TRIM26: variants seen among roughly 807,000 people sequenced by gnomAD.
TRIM26 encodes the protein tripartite motif containing 26, also known as tripartite motif-containing protein 26.
In TRIM26, 16 loss-of-function variants were observed where a neutral mutation model predicts 45.5. The ratio of observed to expected loss-of-function variants is 0.35; its 90% CI spans 0.24 to 0.53. The LOEUF (loss-of-function observed/expected upper bound fraction) is 0.53, where lower values mean the gene tolerates loss of function less well. Ranked by LOEUF, TRIM26 falls within the 20% of genes least tolerant of loss-of-function variation. The pLI, the probability that TRIM26 is intolerant of heterozygous loss-of-function variation, is 0.92. For synonymous variants in TRIM26, 273 were observed against 290.4 expected, an observed-to-expected ratio of 0.94 and a Z score of 0.61; for missense variants, 442 against 691.1, an observed-to-expected ratio of 0.64 and a Z score of 4.04.
chr6:30,212,017 C>T (rs1033261815), intron 1 of TRIM26, among the ~76,000 whole-genome samples: 4 of 152,176 alleles, frequency 2.6e-5, no homozygotes, highest in Non-Finnish European at 2.9e-5. Flanking sequence ...GGAAAAGAGA[C>T]TAACTGTACA....
chr6:30,203,403 T>C (rs1324460175), intron 2 of TRIM26, among the ~76,000 whole-genome samples: 2 of 151,896 alleles, frequency 1.3e-5, no homozygotes, highest in Non-Finnish European at 2.9e-5. Flanking sequence ...CTATACTTCT[T>C]ATTTATTTAT....
At position 30,185,858 on chromosome 6, in the gene TRIM26, G is replaced by A. The variant is rs1181598950; in HGVS notation, c.*18C>T. The A allele has an allele frequency of 6.3e-7, 1 of 1,596,886 alleles. No homozygotes were observed. Among genetic ancestry groups the A allele is most frequent in the African/African-American group, 1.3e-5 (1 of 74,580 alleles). On this transcript the variant is annotated 3_prime_UTR_variant, in exon 10 of 10. Transcript: ENST00000454678. The surrounding 1 kb of genome is among the most constrained non-coding windows in gnomAD (Gnocchi z 5.7). ...AGTGAAGCATCTGAGGGTTGGGGCT[G>A]GGGGCAGATGTCAGGGCTCAGGGTC... is the stretch of plus-strand genomic sequence containing the variant.
At chr6:30,191,733 C>T (rs183326432) in intron 6 of TRIM26, among the ~76,000 whole-genome samples, 12 of 152,210 alleles carry the variant, frequency 7.9e-5, no homozygotes, top group Non-Finnish European at 8.8e-5. Context: ...CCCAACCCCC[C>T]GCTATGAAGC....
chr6:30,186,644 G>T lies in TRIM26; in HGVS notation c.938-86C>A, dbSNP rs2127479316. ...AGAGGGAATAAAATTTATTTTGGCAGATAGCGTTAAACAAAATTAAAGTTG... is the reference window on the plus strand; with the variant it reads ...AGAGGGAATAAAATTTATTTTGGCATATAGCGTTAAACAAAATTAAAGTTG... On this transcript the variant is annotated intron_variant, in intron 9 of 9. Coordinates refer to ENST00000454678, the MANE Select transcript of TRIM26 (RefSeq NM_003449.5). This position sits in a 1 kb window ranked among gnomAD's most constrained non-coding sequence, Gnocchi z 7.4. 7.0e-7 allele frequency: 1 copy of T among 1,432,188 alleles called. No homozygotes were observed. The highest frequency in any genetic ancestry group is 9.2e-7 in the Non-Finnish European group (1 of 1,089,436). 88.7% of individuals were successfully genotyped at this position (1,432,188 alleles called of 1,614,324 possible).
intron 9 of TRIM26, chr6:30,187,536 C>A (rs6457167): frequency 1.2e-5 from 6 of 500,732 alleles, no homozygotes; most frequent in African/African-American, 1.2e-4. Flanking sequence ...TTCAGTCCGA[C>A]ATCTTTGAAG....
rs550375720 is a variant in TRIM26 at position 30,213,111 on chromosome 6, G to C, written c.-376+194C>G. 2.0e-5 allele frequency among the ~76,000 whole-genome samples: 3 copies of C among 152,284 alleles called. No homozygotes were observed. The South Asian group carries it at 6.2e-4, about 32-fold the overall frequency. On this transcript the variant is annotated intron_variant, in intron 1 of 9. Coordinates refer to ENST00000454678, the MANE Select transcript of TRIM26 (RefSeq NM_003449.5). ...CGAGAAAGACCCAAGAGGAGGGGGAGAATGTAAGGACAAGCAAACAGGAGG... is the reference window on the plus strand; with the variant it reads ...CGAGAAAGACCCAAGAGGAGGGGGACAATGTAAGGACAAGCAAACAGGAGG...
intron 1 of TRIM26, among the ~76,000 whole-genome samples, 152 bp from the exon 2 acceptor site, chr6:30,204,917 G>C (rs1337877189): frequency 6.6e-6 from 1 of 152,060 alleles, no homozygotes; most frequent in Non-Finnish European, 1.5e-5. Context: ...ATCCCTGCTG[G>C]GGGTGAGGGG....
rs547198082 is a variant in TRIM26, at chr6:30,193,451, A to G, written c.765+3065T>C. 1.5e-3 allele frequency among the ~76,000 whole-genome samples: 235 copies of G among 151,986 alleles called. 7 individuals are homozygous for G. In the South Asian group the frequency reaches 0.044, roughly 29 times the overall value. ...TGTCTCGGCCTCACAAAGTGCTGGG[A>G]TTACAGGTGTGAGCCACCACAACTG... On this transcript the variant is annotated intron_variant, in intron 6 of 9. Transcript: ENST00000454678.
Position 30,209,401 on chromosome 6 carries a change from G to A in TRIM26, c.-376+3904C>T, listed in dbSNP as rs1778053675. On this transcript the variant is annotated intron_variant, in intron 1 of 9. Coordinates refer to ENST00000454678, the MANE Select transcript of TRIM26 (RefSeq NM_003449.5). The surrounding 1 kb of genome is among the most constrained non-coding windows in gnomAD (Gnocchi z 4.8). ...CCCCAAAAGTTCACGTGTTGGAAAC[G>A]TAATTGCCAATGTAACGGTATTAAG... is the stretch of plus-strand genomic sequence containing the variant. Among the ~76,000 whole-genome samples, 1 of 152,152 alleles carries A rather than the reference G, an allele frequency of 6.6e-6. No individual in the cohort carries two copies. Among genetic ancestry groups the A allele is most frequent in the South Asian group, 2.1e-4 (1 of 4,836 alleles).
In TRIM26 at chr6:30,207,009, T is replaced by C. The variant is rs1248595874; in HGVS notation, c.-375-2244A>G. The stretch of plus-strand genomic sequence containing the variant: ...GCACTTTGGTGCCTGGAAAATGAAC[T>C]CTTCCCTGCCCATATGGAGTGCTGT... On this transcript the variant is annotated intron_variant, in intron 1 of 9. Transcript: ENST00000454678. The surrounding 1 kb of genome is among the most constrained non-coding windows in gnomAD (Gnocchi z 4.9). 6.6e-6 allele frequency among the ~76,000 whole-genome samples: 1 copy of C among 152,188 alleles called. No individual in the cohort carries two copies. The highest frequency in any genetic ancestry group is 1.5e-5 in the Non-Finnish European group (1 of 68,020).
At chr6:30,187,146 A>G (rs531291325) in intron 9 of TRIM26, 108 of 291,090 alleles carry the variant, frequency 3.7e-4, no homozygotes, top group South Asian at 3.7e-3. Flanking sequence ...CAATTACTGC[A>G]CTGGGGTTCT....
chr6:30,206,622 T>C (rs1777752027), intron 1 of TRIM26, among the ~76,000 whole-genome samples: 2 of 152,230 alleles, frequency 1.3e-5, no homozygotes, highest in Admixed American at 6.5e-5. Flanking sequence ...CACTTGGTGC[T>C]TTGCACCAAA....
In TRIM26 at chr6:30,198,343, C is replaced by T; in HGVS notation, c.534+86G>A. The T allele has an allele frequency of 1.4e-6, 2 of 1,468,308 alleles. No homozygotes were observed. The highest frequency in any genetic ancestry group is 2.3e-5 in the South Asian group (2 of 87,006). 91.0% of individuals were successfully genotyped at this position (1,468,308 alleles called of 1,614,324 possible). On this transcript the variant is annotated intron_variant, in intron 5 of 9. Coordinates refer to ENST00000454678, the MANE Select transcript of TRIM26 (RefSeq NM_003449.5). The surrounding 1 kb of genome is among the most constrained non-coding windows in gnomAD (Gnocchi z 6.3). ...TCCCTGTGAGCAGCGCCTAGAAACA[C>T]CTCCCAGCTGCCGCCTACTTGCCCA...
In TRIM26 at chr6:30,201,059, T is replaced by A. The variant is rs1381005244; in HGVS notation, c.-186A>T. ...CCTGGAGGACTTGCTCTCCTATAGA[T>A]CCATGGAAGGCAACTACAGCAGCGC... On this transcript the variant is annotated 5_prime_UTR_variant, in exon 3 of 10. Coordinates refer to ENST00000454678, the MANE Select transcript of TRIM26 (RefSeq NM_003449.5). 6.6e-6 allele frequency: 1 copy of A among 152,108 alleles called. No individual in the cohort carries two copies. The highest frequency in any genetic ancestry group is 1.5e-5 in the Non-Finnish European group (1 of 68,036). The allele number at this position is 152,108 out of a possible 1,614,324, so 9.4% of individuals were successfully genotyped here.
At chr6:30,188,908 T>C (rs1409886304) in intron 9 of TRIM26, among the ~76,000 whole-genome samples, 1 of 151,892 alleles carries the variant, frequency 6.6e-6, no homozygotes, top group African/African-American at 2.4e-5. Flanking sequence ...GGACTGGTGG[T>C]AGGACCTGTG....
intron 2 of TRIM26, among the ~76,000 whole-genome samples, chr6:30,202,519 G>T (rs541082779): frequency 1.3e-5 from 2 of 152,364 alleles, no homozygotes; most frequent in African/African-American, 4.8e-5. Flanking sequence ...AAGAGATCCA[G>T]TGGTTATCTT....
rs559889283 is a variant in TRIM26 at position 30,205,272 on chromosome 6, A to T, written c.-375-507T>A. On this transcript the variant is annotated intron_variant, in intron 1 of 9. Coordinates refer to ENST00000454678, the MANE Select transcript of TRIM26 (RefSeq NM_003449.5). Reference sequence around the variant, plus strand: ...AATAAAAATGAAAAAATAAACCAGAAGCTAGCTGCAATTCTATAGAACCAG... The same window carrying T: ...AATAAAAATGAAAAAATAAACCAGATGCTAGCTGCAATTCTATAGAACCAG... Among the ~76,000 whole-genome samples the T allele has an allele frequency of 1.4e-3, 210 of 152,208 alleles. 2 individuals are homozygous for T. Among genetic ancestry groups the T allele is most frequent in the African/African-American group, 5.0e-3 (207 of 41,546 alleles).
chr6:30,198,086 T>G lies in TRIM26; in HGVS notation c.534+343A>C, dbSNP rs1776680197. 6.6e-6 allele frequency among the ~76,000 whole-genome samples: 1 copy of G among 152,142 alleles called. No individual in the cohort carries two copies. The highest frequency in any genetic ancestry group is 1.5e-5 in the Non-Finnish European group (1 of 68,020). ...GCAACCTTGTCTCTCTCTCTCTCTT[T>G]GAAAGGAAGAATGAAGCCACACCTT... On this transcript the variant is annotated intron_variant, in intron 5 of 9. Coordinates refer to ENST00000454678, the MANE Select transcript of TRIM26 (RefSeq NM_003449.5). The surrounding 1 kb of genome is among the most constrained non-coding windows in gnomAD (Gnocchi z 6.3).
Position 30,192,382 on chromosome 6 carries a change from T to C in TRIM26, c.766-2347A>G, listed in dbSNP as rs140203563. Reference sequence around the variant, plus strand: ...GCCTGCCCGGGTTACCAGGGCAGGATGCAGTGTCTCTCTGGGCCTCTCCTG... The same window carrying C: ...GCCTGCCCGGGTTACCAGGGCAGGACGCAGTGTCTCTCTGGGCCTCTCCTG... On this transcript the variant is annotated intron_variant, in intron 6 of 9. Coordinates refer to ENST00000454678, the MANE Select transcript of TRIM26 (RefSeq NM_003449.5). Among the ~76,000 whole-genome samples the C allele has an allele frequency of 4.4e-3, 675 of 152,274 alleles. 2 individuals are homozygous for C. Among genetic ancestry groups the C allele is most frequent in the African/African-American group, 0.011 (476 of 41,558 alleles).
Sources: gnomAD v4.1 joint callset for allele counts (sites outside exome capture counted in the v4.1 genomes callset) on GRCh38, gnomAD v4.1.1 for gene constraint, Gnocchi (gnomAD v3.1) non-coding constraint, MANE v1.5 for transcripts, NCBI Gene and HGNC (gene_info 2026-07-23, HGNC 2026-07-21) for gene names.